The following HS3ST4 variants were observed in gnomAD, a reference collection of about 807,000 sequenced individuals.
The protein encoded by HS3ST4 is heparan sulfate glucosamine 3-O-sulfotransferase 4.
A neutral mutation model predicts 29.2 loss-of-function variants in HS3ST4; 17 were observed. The observed-to-expected ratio is 0.58, with a 90% confidence interval of 0.40 to 0.87. HS3ST4 has a LOEUF of 0.87. Ranked by LOEUF, HS3ST4 falls within the 40% of genes least tolerant of loss-of-function variation. The pLI is 0.00. For synonymous variants in HS3ST4, 314 were observed against 285.7 expected, an observed-to-expected ratio of 1.10 and a Z score of -1.00; for missense variants, 627 against 634.5, an observed-to-expected ratio of 0.99 and a Z score of 0.13.
intron 1 of HS3ST4, among the ~76,000 whole-genome samples, chr16:26,007,198 C>A (rs756583920): frequency 8.5e-5 from 13 of 152,232 alleles, no homozygotes; most frequent in Non-Finnish European, 1.5e-5. Context: ...TGCCCCTTTA[C>A]AGAAAGGCAC....
At chr16:25,867,771 C>G (rs1277908615) in intron 1 of HS3ST4, among the ~76,000 whole-genome samples, 1 of 152,042 alleles carries the variant, frequency 6.6e-6, no homozygotes, top group African/African-American at 2.4e-5. Flanking sequence ...TCAAGAGTTA[C>G]TAAATTAATG....
chr16:25,722,655 C>T (rs185430798), intron 1 of HS3ST4, among the ~76,000 whole-genome samples: 1 of 152,296 alleles, frequency 6.6e-6, no homozygotes, highest in Non-Finnish European at 1.5e-5. Flanking sequence ...GCCTTGAAAA[C>T]ACAGGGCAGT....
chr16:25,736,273 T>C (rs532737577), intron 1 of HS3ST4, among the ~76,000 whole-genome samples: 5 of 152,350 alleles, frequency 3.3e-5, no homozygotes, highest in South Asian at 2.1e-4. Flanking sequence ...TCATCATGTC[T>C]CTGCAGTGTG....
At chr16:26,022,478 A>T (rs1969423602) in intron 1 of HS3ST4, among the ~76,000 whole-genome samples, 1 of 152,162 alleles carries the variant, frequency 6.6e-6, no homozygotes, top group Non-Finnish European at 1.5e-5. Context: ...TTTTTCTATA[A>T]GAGCAGATAG....
At chr16:26,084,392 C>A (rs566964513) in intron 1 of HS3ST4, among the ~76,000 whole-genome samples, 1 of 152,184 alleles carries the variant, frequency 6.6e-6, no homozygotes, top group Non-Finnish European at 1.5e-5. Context: ...AAAGAAATAG[C>A]CTCTTTGCTG....
chr16:25,873,464 ACCCATCCATCTATCTC>A (rs1361831790), intron 1 of HS3ST4, among the ~76,000 whole-genome samples: 3 of 144,606 alleles, frequency 2.1e-5, no homozygotes, highest in African/African-American at 8.0e-5. Context: ...CCATTTACCC[ACCCATCCATCTATCTC>A]TCTATCTATC....
Position 25,692,925 on chromosome 16 carries a change from G to T in HS3ST4, c.508G>T (p.Asp170Tyr). ...EAQESSTTDEDLAGRRAANGS... is the reference protein window; with the variant it reads ...EAQESSTTDEYLAGRRAANGS... ...GCAGGAGTCCAGCACCACCGACGAG[G>T]ATCTCGCAGGCCGGAGAGCGGCCAA... The change falls in exon 1 of 2, where the codon GAT (aspartate) becomes TAT (tyrosine). Residue 170 changes from aspartate (D) to tyrosine (Y), a missense_variant. By Grantham distance (160) the Asp-to-Tyr change is radical (BLOSUM62 -3). Around this residue, in one of 2 missense-constraint regions of HS3ST4, gnomAD observed 402 missense variants for 340.8 expected, o/e 1.18. Transcript: ENST00000331351. 6.2e-7 allele frequency: 1 copy of T among 1,605,210 alleles called. No individual in the cohort carries two copies. Among genetic ancestry groups the T allele is most frequent in the East Asian group, 2.2e-5 (1 of 44,512 alleles).
At chr16:26,111,222 GT>G (rs1329358912) in intron 1 of HS3ST4, among the ~76,000 whole-genome samples, 1 of 151,448 alleles carries the variant, frequency 6.6e-6, no homozygotes, top group Admixed American at 6.6e-5. Context: ...GAGACTACAG[GT>G]GTATACCAGC....
At chr16:25,970,502 C>T (rs1432187335) in intron 1 of HS3ST4, among the ~76,000 whole-genome samples, 1 of 152,046 alleles carries the variant, frequency 6.6e-6, no homozygotes, top group East Asian at 1.9e-4. Context: ...ACTCATTCAT[C>T]CATTATTTTT....
chr16:25,929,423 T>C (rs1238506990), intron 1 of HS3ST4, among the ~76,000 whole-genome samples: 1 of 152,066 alleles, frequency 6.6e-6, no homozygotes, highest in East Asian at 1.9e-4. Context: ...AAGGTTATCT[T>C]CAGGGGCACA....
At chr16:26,023,140 A>G (rs1016810717) in intron 1 of HS3ST4, among the ~76,000 whole-genome samples, 1 of 151,928 alleles carries the variant, frequency 6.6e-6, no homozygotes, top group Non-Finnish European at 1.5e-5. Flanking sequence ...TTTCTTAAGC[A>G]TTTTTTCATG....
intron 1 of HS3ST4, among the ~76,000 whole-genome samples, chr16:25,953,699 T>C (rs1968702177): frequency 6.6e-6 from 1 of 152,148 alleles, no homozygotes; most frequent in African/African-American, 2.4e-5. Flanking sequence ...AAGTGATTTA[T>C]TTGCCAAGTG....
chr16:25,968,020 C>T (rs547030059), intron 1 of HS3ST4, among the ~76,000 whole-genome samples: 1 of 152,086 alleles, frequency 6.6e-6, no homozygotes, highest in Non-Finnish European at 1.5e-5. Flanking sequence ...GAAGGGTTGT[C>T]ATGGGGGAGA....
chr16:26,087,213 C>A (rs985213833), intron 1 of HS3ST4, among the ~76,000 whole-genome samples: 1 of 152,208 alleles, frequency 6.6e-6, no homozygotes, highest in Non-Finnish European at 1.5e-5. Context: ...AAGTAGGTGG[C>A]AGACACATCA....
In HS3ST4 at chr16:25,931,407, A is replaced by G. The variant is rs527274390; in HGVS notation, c.735-204205A>G. The stretch of plus-strand genomic sequence containing the variant: ...TGGCTTTCATGCACTTAGGGGATGC[A>G]TTTTTATTTCTTTGCAGGAACAAGG... On this transcript the variant is annotated intron_variant, in intron 1 of 1. Transcript: ENST00000331351. Among the ~76,000 whole-genome samples, 29 of 152,350 alleles carry G rather than the reference A, an allele frequency of 1.9e-4. No homozygotes were observed. The South Asian group carries it at 5.0e-3, about 26-fold the overall frequency.
intron 1 of HS3ST4, among the ~76,000 whole-genome samples, chr16:25,840,024 ATG>A (rs1236514041): frequency 6.6e-6 from 1 of 152,208 alleles, no homozygotes; most frequent in African/African-American, 2.4e-5. Flanking sequence ...CCAGAATGAT[ATG>A]GTTGAGTTAT....
At chr16:25,714,367 G>C (rs1966437741) in intron 1 of HS3ST4, among the ~76,000 whole-genome samples, 1 of 152,160 alleles carries the variant, frequency 6.6e-6, no homozygotes, top group Non-Finnish European at 1.5e-5. Context: ...GTCATTGATA[G>C]AGTACGATGA....
chr16:26,115,589 A>T (rs767017913), intron 1 of HS3ST4, among the ~76,000 whole-genome samples: 39 of 152,196 alleles, frequency 2.6e-4, no homozygotes, highest in Middle Eastern at 3.4e-3. Flanking sequence ...GAAATATTTT[A>T]TTCACCTGGA....
intron 1 of HS3ST4, among the ~76,000 whole-genome samples, chr16:25,878,618 C>T (rs1026849445): frequency 1.3e-5 from 2 of 152,166 alleles, no homozygotes; most frequent in Non-Finnish European, 2.9e-5. Context: ...GCACCTGCTT[C>T]CCCATTAAGG....
Sources: allele counts gnomAD v4.1 joint callset (sites outside exome capture counted in the v4.1 genomes callset), GRCh38; gene constraint gnomAD v4.1.1; regional missense constraint gnomAD v4.1.1; transcripts MANE v1.5; gene names NCBI Gene and HGNC (gene_info 2026-07-23, HGNC 2026-07-21).